ENTREP2: variants seen among roughly 807,000 people sequenced by gnomAD.
The protein encoded by ENTREP2 is endosomal transmembrane epsin interactor 2.
At chr15:29,224,379 T>C in the ENTREP2 span, among the ~76,000 whole-genome samples, 13 of 152,188 alleles carry the variant, frequency 8.5e-5, no homozygotes, top group African/African-American at 1.2e-4. Flanking sequence ...TCCACACTTG[T>C]GGAAGGGAAC....
At chr15:29,141,732 G>C in the ENTREP2 span, among the ~76,000 whole-genome samples, 1 of 152,218 alleles carries the variant, frequency 6.6e-6, no homozygotes, top group Non-Finnish European at 1.5e-5. Context: ...GCCTTCCTTA[G>C]ACTTGGTAGA....
the ENTREP2 span, among the ~76,000 whole-genome samples, chr15:29,397,175 G>A: frequency 3.3e-5 from 5 of 152,168 alleles, no homozygotes; most frequent in East Asian, 9.6e-4. Context: ...CAGATCACTT[G>A]AGGTCAGGAG....
the ENTREP2 span, among the ~76,000 whole-genome samples, chr15:29,251,962 G>A: frequency 6.6e-6 from 1 of 152,006 alleles, no homozygotes; most frequent in African/African-American, 2.4e-5. Flanking sequence ...TGATATATTC[G>A]TCATCCAGCA....
the ENTREP2 span, among the ~76,000 whole-genome samples, chr15:29,368,244 G>A: frequency 6.6e-6 from 1 of 151,574 alleles, no homozygotes; most frequent in Non-Finnish European, 1.5e-5. Flanking sequence ...AGAACTGTTT[G>A]AACTCTGCCA....
At chr15:29,118,729 A>G in the ENTREP2 span, among the ~76,000 whole-genome samples, 3,130 of 152,302 alleles carry the variant, frequency 0.021, 64 homozygotes, top group African/African-American at 0.048. Flanking sequence ...CGGACCGCCC[A>G]TCCCAGCACC....
At chr15:29,198,581 G>A in the ENTREP2 span, among the ~76,000 whole-genome samples, 6 of 152,096 alleles carry the variant, frequency 3.9e-5, no homozygotes, top group African/African-American at 7.2e-5. Flanking sequence ...TTTCTTAACC[G>A]TTCATATTGT....
chr15:29,288,714 T>C, the ENTREP2 span, among the ~76,000 whole-genome samples: 4 of 152,338 alleles, frequency 2.6e-5, no homozygotes, highest in Non-Finnish European at 5.9e-5. Flanking sequence ...TGTAGTAAGC[T>C]GTACCCTCAT....
the ENTREP2 span, among the ~76,000 whole-genome samples, chr15:29,513,192 A>G: frequency 6.6e-6 from 1 of 152,166 alleles, no homozygotes; most frequent in Non-Finnish European, 1.5e-5. Context: ...ATGGCAAAAT[A>G]AAGCATCTTA....
the ENTREP2 span, among the ~76,000 whole-genome samples, chr15:29,412,350 TAAAC>T: frequency 2.0e-4 from 31 of 152,310 alleles, no homozygotes; most frequent in African/African-American, 7.5e-4. Flanking sequence ...ATAATGTCCT[TAAAC>T]AATTTACATT....
the ENTREP2 span, among the ~76,000 whole-genome samples, chr15:29,529,831 A>C: frequency 5.3e-5 from 8 of 152,196 alleles, no homozygotes; most frequent in African/African-American, 1.9e-4. Flanking sequence ...TAGATATAGC[A>C]AAAACTCTAA....
the ENTREP2 span, among the ~76,000 whole-genome samples, chr15:29,411,071 CTGCGCCTGGCCT>C: frequency 6.6e-6 from 1 of 152,224 alleles, no homozygotes; most frequent in African/African-American, 2.4e-5. Flanking sequence ...GCATGAGCCA[CTGCGCCTGGCCT>C]ATATAATTTA....
At chr15:29,308,034 T>A in the ENTREP2 span, among the ~76,000 whole-genome samples, 55 of 152,360 alleles carry the variant, frequency 3.6e-4, no homozygotes, top group African/African-American at 1.2e-3. Context: ...TGTGTTTATA[T>A]ATTTCTATGA....
chr15:29,343,027 TG>T, the ENTREP2 span, among the ~76,000 whole-genome samples: 1 of 130,886 alleles, frequency 7.6e-6, no homozygotes, highest in East Asian at 2.5e-4. Context: ...TAAAAAGGAA[TG>T]GGGGGGGTGG....
At chr15:29,464,259 C>T in the ENTREP2 span, among the ~76,000 whole-genome samples, 1 of 121,042 alleles carries the variant, frequency 8.3e-6, no homozygotes, top group Non-Finnish European at 1.7e-5. Context: ...GCTATTTTTG[C>T]ACAGAAAAGA....
chr15:29,242,537 G>T, the ENTREP2 span, among the ~76,000 whole-genome samples: 8 of 152,298 alleles, frequency 5.3e-5, no homozygotes, highest in African/African-American at 1.9e-4. Context: ...ATTAATTTAA[G>T]TGAAACAGCA....
the ENTREP2 span, among the ~76,000 whole-genome samples, chr15:29,273,274 C>T: frequency 6.7e-6 from 1 of 150,076 alleles, no homozygotes; most frequent in East Asian, 2.0e-4. Context: ...TCTTGGCTCA[C>T]TGCAACCTCC....
the ENTREP2 span, among the ~76,000 whole-genome samples, chr15:29,573,051 T>C: frequency 0.51 from 76,901 of 151,904 alleles, 21,706 homozygotes; most frequent in Non-Finnish European, 0.65. Context: ...GTGTCAGTGA[T>C]GAATTAAACA....
At chr15:29,269,524 T>C in the ENTREP2 span, 2 of 1,542,854 alleles carry the variant, frequency 1.3e-6, no homozygotes, top group Non-Finnish European at 1.7e-6. Flanking sequence ...CGAGGGGCCC[T>C]GCGACCCCTG....
chr15:29,451,179 C>G, the ENTREP2 span, among the ~76,000 whole-genome samples: 1 of 152,218 alleles, frequency 6.6e-6, no homozygotes. Context: ...TCCCACTGAG[C>G]CTCTGGTGGC....
Sources: allele counts gnomAD v4.1 joint callset (sites outside exome capture counted in the v4.1 genomes callset), GRCh38; gene constraint gnomAD v4.1.1; transcripts MANE v1.5; gene names NCBI Gene and HGNC (gene_info 2026-07-23, HGNC 2026-07-21).